Variants in ZNF277 observed in about 807,000 individuals in gnomAD.
ZNF277 encodes the protein zinc finger protein 277, also known as nuclear receptor-interacting factor 4.
In ZNF277, 55 loss-of-function variants were observed where a neutral mutation model predicts 60.7. The observed-to-expected ratio is 0.91, with a 90% CI of 0.73 to 1.13. The LOEUF (loss-of-function observed/expected upper bound fraction) is 1.13. Among genes scored for constraint, ZNF277 ranks in the 50% most tolerant of loss-of-function variants. The pLI is 0.00. For synonymous variants in ZNF277, 178 were observed against 179.3 expected, an observed-to-expected ratio of 0.99 and a Z score of 0.06; for missense variants, 510 against 523.0, an observed-to-expected ratio of 0.98 and a Z score of 0.24.
At position 112,342,429 on chromosome 7, in the gene ZNF277, A is replaced by G. The variant is rs966915042; in HGVS notation, c.1185-132A>G. On this transcript the variant is annotated intron_variant, in intron 11 of 11. Transcript: ENST00000361822. ...AAAGCAATCAGAAGTTGTCTCCAGTATAGCCTTTGCAAAATGCTATGAAAT... is the reference window on the plus strand; with the variant it reads ...AAAGCAATCAGAAGTTGTCTCCAGTGTAGCCTTTGCAAAATGCTATGAAAT... The G allele has an allele frequency of 2.8e-5, 19 of 674,108 alleles. No individual in the cohort carries two copies. The African/African-American group carries it at 3.4e-4, about 12-fold the overall frequency. The allele number at this position is 674,108 out of a possible 1,614,324, so 41.8% of individuals were successfully genotyped here.
chr7:112,226,530 G>A (rs907059730), intron 1 of ZNF277, among the ~76,000 whole-genome samples: 1 of 152,062 alleles, frequency 6.6e-6, no homozygotes, highest in Admixed American at 6.6e-5. Flanking sequence ...ATTTGAATTA[G>A]GATTTGAATA....
At position 112,277,077 on chromosome 7, in the gene ZNF277, A is replaced by ATTTT. The variant is rs59902516; in HGVS notation, c.92-9775_92-9772dup. 3.9e-3 allele frequency among the ~76,000 whole-genome samples: 408 copies of ATTTT among 104,432 alleles called. 10 individuals carry two copies. Among genetic ancestry groups the ATTTT allele is most frequent in the African/African-American group, 0.014 (330 of 24,402 alleles). 68.5% of individuals were successfully genotyped at this position (104,432 alleles called of 152,430 possible). A position where few individuals can be genotyped will look rare whatever the true frequency, so the allele number is the denominator to read the frequency against. On this transcript the variant is annotated intron_variant, in intron 1 of 11. Transcript: ENST00000361822. The stretch of plus-strand genomic sequence containing the variant: ...CCAGAACCCTTTTAAGAATCTGTTG[A>ATTTT]TTTTTTTTTTTTTTTTTTTTTTTTG...
At chr7:112,219,180 T>A (rs1164891387) in intron 1 of ZNF277, among the ~76,000 whole-genome samples, 1 of 152,232 alleles carries the variant, frequency 6.6e-6, no homozygotes, top group South Asian at 2.1e-4. Context: ...CTCTTCATGA[T>A]TTTAATATGC....
chr7:112,258,201 C>T (rs1791367383), intron 1 of ZNF277, among the ~76,000 whole-genome samples: 1 of 151,860 alleles, frequency 6.6e-6, no homozygotes, highest in Admixed American at 6.6e-5. Context: ...GAGCCTTCTG[C>T]AAGGTAAGTG....
In ZNF277 at chr7:112,317,887, G is replaced by A. The variant is rs1160642328; in HGVS notation, c.466-295G>A. On this transcript the variant is annotated intron_variant, in intron 4 of 11. Transcript: ENST00000361822. ...AGTCAAAGATCCCAGCACAATTTTG[G>A]TTTTGGAAGAGGATAGGGATGGGAA... Among the ~76,000 whole-genome samples the A allele has an allele frequency of 2.0e-5, 3 of 152,188 alleles. No individual in the cohort carries two copies. In the South Asian group the frequency reaches 6.2e-4, roughly 31 times the overall value.
intron 1 of ZNF277, among the ~76,000 whole-genome samples, chr7:112,231,814 C>G (rs1316606130): frequency 1.3e-5 from 2 of 151,886 alleles, no homozygotes; most frequent in East Asian, 3.9e-4. Flanking sequence ...CAGAGTATTT[C>G]CACTGATCAG....
chr7:112,341,084 A>C, intron 11 of ZNF277, 38 bp downstream of exon 11: 4 of 1,520,056 alleles, frequency 2.6e-6, no homozygotes, highest in Non-Finnish European at 3.5e-6. Flanking sequence ...TTCTTACTCC[A>C]ACTCTTTGAT....
rs1384003266 is a variant in ZNF277, at chr7:112,295,964, G to A, written c.382+7G>A. The A allele has an allele frequency of 1.9e-6, 3 of 1,590,972 alleles. No individual in the cohort carries two copies. Among genetic ancestry groups the A allele is most frequent in the Admixed American group, 1.7e-5 (1 of 59,906 alleles). ...AATTCCACTGCTCCATTTGGTAAGT[G>A]TACATCTTGGCTACCATCTTTTCCC... On this transcript the variant is annotated splice_region_variant and intron_variant, in intron 3 of 11. Coordinates refer to ENST00000361822, the MANE Select transcript of ZNF277 (RefSeq NM_021994.3).
At chr7:112,313,940 A>C (rs1792785581) in intron 4 of ZNF277, among the ~76,000 whole-genome samples, 1 of 152,084 alleles carries the variant, frequency 6.6e-6, no homozygotes, top group African/African-American at 2.4e-5. Flanking sequence ...TCATGTATTT[A>C]TTGAGAATCT....
chr7:112,241,248 T>C (rs1587107979), intron 1 of ZNF277, among the ~76,000 whole-genome samples: 1 of 151,824 alleles, frequency 6.6e-6, no homozygotes, highest in Non-Finnish European at 1.5e-5. Flanking sequence ...CTGAACCAGG[T>C]ATATGAAAAG....
At chr7:112,283,252 G>A (rs1343257904) in intron 1 of ZNF277, among the ~76,000 whole-genome samples, 1 of 152,200 alleles carries the variant, frequency 6.6e-6, no homozygotes, top group African/African-American at 2.4e-5. Context: ...TTCTGGCTGG[G>A]TGCCGTGGCT....
intron 5 of ZNF277, among the ~76,000 whole-genome samples, chr7:112,320,921 T>C (rs1236776684): frequency 7.7e-4 from 102 of 132,612 alleles, no homozygotes; most frequent in African/African-American, 1.1e-3. Flanking sequence ...TTCTTTCTTT[T>C]TTTTTTTTTT....
intron 2 of ZNF277, among the ~76,000 whole-genome samples, chr7:112,291,539 G>A (rs1792206272): frequency 6.6e-6 from 1 of 152,134 alleles, no homozygotes; most frequent in South Asian, 2.1e-4. Context: ...TGCAATTGTA[G>A]CTTTCAGTAA....
intron 4 of ZNF277, among the ~76,000 whole-genome samples, chr7:112,307,959 C>A (rs1344872315): frequency 6.6e-6 from 1 of 151,838 alleles, no homozygotes; most frequent in Non-Finnish European, 1.5e-5. Context: ...ACTATTGACC[C>A]TGTCAACTAG....
intron 1 of ZNF277, among the ~76,000 whole-genome samples, chr7:112,273,379 C>T (rs1791723812): frequency 6.6e-6 from 1 of 152,172 alleles, no homozygotes; most frequent in South Asian, 2.1e-4. Flanking sequence ...CACTCTCCCT[C>T]CACCAAACAT....
At chr7:112,248,448 C>T (rs1791132519) in intron 1 of ZNF277, among the ~76,000 whole-genome samples, 1 of 151,414 alleles carries the variant, frequency 6.6e-6, no homozygotes, top group African/African-American at 2.4e-5. Context: ...AAAACAGAAT[C>T]ATAAAACAAC....
intron 7 of ZNF277, 78 bp downstream of exon 7, chr7:112,330,294 G>GCTTATTCA: frequency 6.9e-7 from 1 of 1,445,314 alleles, no homozygotes; most frequent in Non-Finnish European, 9.6e-7. Context: ...ACTAATATTT[G>GCTTATTCA]AATAAGCAAT....
chr7:112,305,062 G>A (rs534790110), intron 4 of ZNF277, among the ~76,000 whole-genome samples: 5 of 151,986 alleles, frequency 3.3e-5, no homozygotes, highest in South Asian at 4.1e-4. Context: ...TAAGGACTTC[G>A]CACTTGCTGT....
At chr7:112,256,421 GTTTTTTTTTTTT>G (rs779126085) in intron 1 of ZNF277, among the ~76,000 whole-genome samples, 2 of 95,384 alleles carry the variant, frequency 2.1e-5, no homozygotes, top group Non-Finnish European at 4.0e-5. Context: ...CTTCTTTGGA[GTTTTTTTTTTTT>G]TTTTTTTTTT....
Sources: allele counts gnomAD v4.1 joint callset (sites outside exome capture counted in the v4.1 genomes callset), GRCh38; gene constraint gnomAD v4.1.1; transcripts MANE v1.5; gene names NCBI Gene and HGNC (gene_info 2026-07-23, HGNC 2026-07-21).